SCGB2B2: variants seen among roughly 807,000 people sequenced by gnomAD.
SCGB2B2 encodes secretoglobin-like protein.
SCGB2B2 carries 11 observed loss-of-function variants against 7.6 expected under a neutral mutation model. That is an observed-to-expected ratio of 1.45 (90% CI 0.91 to 2.40). The LOEUF is 2.40. SCGB2B2 is among the 30% of genes most tolerant of loss of function. The probability of loss-of-function intolerance (pLI) is 0.00; values close to 1 mark genes in which losing one functional copy is unlikely to be tolerated. For missense variants in SCGB2B2, 104 were observed against 115.4 expected (o/e 0.90, Z 0.45); for synonymous variants, 50 against 48.6 (o/e 1.03, Z -0.12).
At chr19:34,648,271 T>C (rs867199369) in intron 1 of SCGB2B2, among the ~76,000 whole-genome samples, 12 of 152,264 alleles carry the variant, frequency 7.9e-5, no homozygotes, top group Middle Eastern at 3.4e-3. Context: ...TTTAAATCCA[T>C]GGAGATAAAG....
downstream of SCGB2B2, among the ~76,000 whole-genome samples, chr19:34,589,992 A>T (rs2065261486): frequency 6.6e-6 from 1 of 152,186 alleles, no homozygotes; most frequent in African/African-American, 2.4e-5. Context: ...GTCAACAAGG[A>T]CATAAAACCA....
intron 1 of SCGB2B2, chr19:34,632,104 C>T (rs2066551083): frequency 6.6e-6 from 1 of 152,162 alleles, no homozygotes; most frequent in Non-Finnish European, 1.5e-5. Flanking sequence ...GACCCCAAAC[C>T]TCACATGGTA....
At chr19:34,587,683 TTTA>T (rs1250631907), downstream of SCGB2B2, among the ~76,000 whole-genome samples, 1 of 152,162 alleles carries the variant, frequency 6.6e-6, no homozygotes, top group Non-Finnish European at 1.5e-5. Context: ...CATACATCGA[TTTA>T]TTGTGTTGGG....
rs867218342 is a variant in SCGB2B2, at chr19:34,611,663, T to C, written c.-2031-15069A>G. ...ATTTTAAAATTTACTATTTTTTTTT[T>C]TTTTGGGATGAAGTCTCGCAGTGTT... On this transcript the variant is annotated intron_variant, in intron 1 of 3. Transcript: ENST00000601241. Among the ~76,000 whole-genome samples the C allele has an allele frequency of 9.0e-3, 1,368 of 152,156 alleles. 23 individuals are homozygous for C. Among genetic ancestry groups the C allele is most frequent in the African/African-American group, 0.032 (1,310 of 41,538 alleles).
intron 1 of SCGB2B2, among the ~76,000 whole-genome samples, chr19:34,618,253 T>TAAA (rs1274901615): frequency 3.3e-5 from 5 of 152,252 alleles, no homozygotes; most frequent in Admixed American, 1.3e-4. Flanking sequence ...CAATTCTTAA[T>TAAA]AAAAGCTTAT....
intron 1 of SCGB2B2, among the ~76,000 whole-genome samples, chr19:34,603,822 C>T (rs1293300928): frequency 3.5e-5 from 4 of 113,686 alleles, no homozygotes; most frequent in South Asian, 2.7e-4. Flanking sequence ...TAACAGATAA[C>T]GTCTCACTAT....
intron 1 of SCGB2B2, among the ~76,000 whole-genome samples, chr19:34,628,667 C>G (rs963706886): frequency 6.6e-6 from 1 of 151,942 alleles, no homozygotes; most frequent in Non-Finnish European, 1.5e-5. Flanking sequence ...GACAGATTCA[C>G]AGCTGATTTC....
At chr19:34,635,002 G>T in intron 1 of SCGB2B2, 1 of 288,288 alleles carries the variant, frequency 3.5e-6, no homozygotes, top group South Asian at 4.5e-5. Context: ...CCCACATTCA[G>T]TGCACTTATA....
At chr19:34,614,484 T>A (rs1375568550) in intron 1 of SCGB2B2, among the ~76,000 whole-genome samples, 1 of 152,196 alleles carries the variant, frequency 6.6e-6, no homozygotes, top group African/African-American at 2.4e-5. Flanking sequence ...CCTATCGCTA[T>A]TGAATTTCTG....
chr19:34,645,152 A>T (rs1216796173), intron 1 of SCGB2B2, among the ~76,000 whole-genome samples: 1 of 152,068 alleles, frequency 6.6e-6, no homozygotes, highest in African/African-American at 2.4e-5. Flanking sequence ...GGGACAATAA[A>T]CGCACAGGCA....
At chr19:34,666,514 C>A (rs564339923) in intron 1 of SCGB2B2, among the ~76,000 whole-genome samples, 1 of 152,122 alleles carries the variant, frequency 6.6e-6, no homozygotes, top group South Asian at 2.1e-4. Context: ...CACCACCGGA[C>A]AGGAAGGGGG....
At position 34,676,992 on chromosome 19, in the gene SCGB2B2, C is replaced by T. The variant is rs1273886394; in HGVS notation, c.-3394G>A. 1 of 152,038 alleles carries T rather than the reference C, an allele frequency of 6.6e-6. No homozygotes were observed. The highest frequency in any genetic ancestry group is 1.5e-5 in the Non-Finnish European group (1 of 68,010). 9.4% of individuals were successfully genotyped at this position (152,038 alleles called of 1,614,324 possible). A position where few individuals can be genotyped will look rare whatever the true frequency, so the allele number is the denominator to read the frequency against. The stretch of plus-strand genomic sequence containing the variant: ...CATCCTCCCAGTGCTCACTCAAGTT[C>T]AGTATTTCCAAGTCCTTCCAGGGGC... On this transcript the variant is annotated 5_prime_UTR_variant, in exon 1 of 4. Coordinates refer to ENST00000601241, the MANE Select transcript of SCGB2B2 (RefSeq NM_001025591.4).
chr19:34,587,513 C>T (rs2065208901), downstream of SCGB2B2, among the ~76,000 whole-genome samples: 1 of 152,016 alleles, frequency 6.6e-6, no homozygotes, highest in African/African-American at 2.4e-5. Context: ...GTCTGGATGC[C>T]CTTTGTTTCT....
At chr19:34,628,460 C>A (rs975137817) in intron 1 of SCGB2B2, among the ~76,000 whole-genome samples, 3 of 152,036 alleles carry the variant, frequency 2.0e-5, no homozygotes, top group East Asian at 1.9e-4. Context: ...CACAGAAATA[C>A]AAACTACCAT....
chr19:34,624,574 T>A (rs929458807), intron 1 of SCGB2B2, among the ~76,000 whole-genome samples: 4 of 152,016 alleles, frequency 2.6e-5, no homozygotes, highest in African/African-American at 9.7e-5. Flanking sequence ...ATAGGAGACA[T>A]GAGAGCTGCA....
intron 1 of SCGB2B2, among the ~76,000 whole-genome samples, chr19:34,639,524 T>C (rs923948537): frequency 6.6e-6 from 1 of 152,214 alleles, no homozygotes; most frequent in African/African-American, 2.4e-5. Flanking sequence ...TGCTATATAA[T>C]GTCACCAGAA....
chr19:34,634,620 C>T (rs545241024), intron 1 of SCGB2B2, among the ~76,000 whole-genome samples: 21 of 152,284 alleles, frequency 1.4e-4, no homozygotes, highest in African/African-American at 3.4e-4. Flanking sequence ...ATCCTCCCTG[C>T]GTTCCAAGGC....
intron 1 of SCGB2B2, among the ~76,000 whole-genome samples, chr19:34,672,886 C>A (rs762070310): frequency 5.9e-5 from 9 of 152,030 alleles, no homozygotes; most frequent in Non-Finnish European, 1.0e-4. Flanking sequence ...ATAAGAACTC[C>A]AGCCTCATAA....
At chr19:34,598,691 G>A (rs1479410351) in intron 1 of SCGB2B2, among the ~76,000 whole-genome samples, 4 of 151,544 alleles carry the variant, frequency 2.6e-5, no homozygotes, top group African/African-American at 4.9e-5. Flanking sequence ...CTTCCAGCCT[G>A]TGCTGTGATG....
Sources: allele counts gnomAD v4.1 joint callset (sites outside exome capture counted in the v4.1 genomes callset), GRCh38; gene constraint gnomAD v4.1.1; transcripts MANE v1.5; gene names NCBI Gene and HGNC (gene_info 2026-07-23, HGNC 2026-07-21).